The following GBE1 variants were observed in gnomAD, a reference collection of about 807,000 sequenced individuals.
The protein encoded by GBE1 is 1,4-alpha-glucan-branching enzyme.
GBE1 carries 70 observed loss-of-function variants against 88.8 expected under a neutral mutation model. That is an observed-to-expected ratio of 0.79 (90% CI 0.65 to 0.96). The LOEUF is 0.96. Ranked by LOEUF, GBE1 falls within the 40% of genes least tolerant of loss-of-function variation. The pLI is 0.00. For missense variants in GBE1, 872 were observed against 871.0 expected (o/e 1.00, Z -0.01); for synonymous variants, 284 against 300.1 (o/e 0.95, Z 0.56).
Position 81,746,923 on chromosome 3 carries a change from T to C in GBE1, c.143+14452A>G, listed in dbSNP as rs142585018. Among the ~76,000 whole-genome samples, 404 of 152,308 alleles carry C rather than the reference T, an allele frequency of 2.7e-3. 1 individual carries two copies. Among genetic ancestry groups the C allele is most frequent in the African/African-American group, 9.4e-3 (390 of 41,562 alleles). On this transcript the variant is annotated intron_variant, in intron 1 of 15. Coordinates refer to ENST00000429644, the MANE Select transcript of GBE1 (RefSeq NM_000158.4). ...CCTATAATATGTGTAAAAATTTTCA[T>C]TGCTTGTACCTTTCAGTGACACCTG...
At chr3:81,625,094 A>AG (rs1206859059) in intron 7 of GBE1, among the ~76,000 whole-genome samples, 1 of 33,258 alleles carries the variant, frequency 3.0e-5, no homozygotes, top group Non-Finnish European at 9.9e-5. Context: ...GTTATGAGGG[A>AG]GGGGGAGGGG....
chr3:81,585,223 T>G (rs574210923), intron 10 of GBE1, among the ~76,000 whole-genome samples: 77 of 152,208 alleles, frequency 5.1e-4, no homozygotes, highest in African/African-American at 1.7e-3. Context: ...TTGCACAAAT[T>G]GCCCAGGGGG....
At chr3:81,740,333 A>T (rs1452013376) in intron 1 of GBE1, among the ~76,000 whole-genome samples, 1 of 152,036 alleles carries the variant, frequency 6.6e-6, no homozygotes, top group Non-Finnish European at 1.5e-5. Flanking sequence ...ATTTTGTCTT[A>T]GCACCAAGAA....
chr3:81,721,143 TA>T (rs952865838), intron 1 of GBE1, among the ~76,000 whole-genome samples: 3 of 105,342 alleles, frequency 2.8e-5, no homozygotes, highest in Non-Finnish European at 5.5e-5. Flanking sequence ...ATGGCACATG[TA>T]TACATATGTA....
At chr3:81,647,374 G>A (rs529897043) in intron 5 of GBE1, among the ~76,000 whole-genome samples, 7 of 152,092 alleles carry the variant, frequency 4.6e-5, no homozygotes, top group Middle Eastern at 3.4e-3. Context: ...ACAAACACAC[G>A]TCACCTTCCT....
intron 6 of GBE1, among the ~76,000 whole-genome samples, chr3:81,644,922 C>A (rs1020914448): frequency 6.6e-6 from 1 of 150,884 alleles, no homozygotes; most frequent in Non-Finnish European, 1.5e-5. Context: ...AGGGACAAGT[C>A]CAGTATAATG....
chr3:81,720,325 G>A (rs1468720638), intron 1 of GBE1, among the ~76,000 whole-genome samples: 3 of 148,462 alleles, frequency 2.0e-5, no homozygotes, highest in South Asian at 2.1e-4. Context: ...ATACACACAC[G>A]CACACACTGT....
intron 13 of GBE1, among the ~76,000 whole-genome samples, chr3:81,536,231 G>C (rs1703071660): frequency 6.6e-6 from 1 of 151,020 alleles, no homozygotes; most frequent in South Asian, 2.1e-4. Flanking sequence ...AAGAATCATA[G>C]ACACCAAAGT....
chr3:81,635,360 C>T (rs1222527056), intron 7 of GBE1, among the ~76,000 whole-genome samples: 6 of 152,066 alleles, frequency 3.9e-5, no homozygotes, highest in African/African-American at 1.2e-4. Flanking sequence ...TCTGCCTGCT[C>T]ACTAATCTAA....
At chr3:81,582,849 G>T (rs1703752753) in intron 10 of GBE1, among the ~76,000 whole-genome samples, 1 of 151,880 alleles carries the variant, frequency 6.6e-6, no homozygotes, top group African/African-American at 2.4e-5. Flanking sequence ...CCAAAAGAGA[G>T]ACCTATACAA....
At chr3:81,542,305 T>G (rs1703153697) in intron 12 of GBE1, among the ~76,000 whole-genome samples, 2 of 152,152 alleles carry the variant, frequency 1.3e-5, no homozygotes, top group Admixed American at 6.6e-5. Flanking sequence ...CTAATATTTC[T>G]GTGTTATAAA....
At chr3:81,757,442 T>C (rs2107244808) in intron 1 of GBE1, among the ~76,000 whole-genome samples, 1 of 152,284 alleles carries the variant, frequency 6.6e-6, no homozygotes. Flanking sequence ...AGTGGAGAAG[T>C]TAGAATGGAG....
intron 12 of GBE1, among the ~76,000 whole-genome samples, chr3:81,539,221 C>T (rs758895449): frequency 3.9e-5 from 6 of 151,954 alleles, no homozygotes; most frequent in Non-Finnish European, 7.4e-5. Flanking sequence ...GCATGTTGTG[C>T]ACAAGTAAAT....
chr3:81,642,516 AT>A lies in GBE1; in HGVS notation c.992+264del, dbSNP rs1338616585. The stretch of plus-strand genomic sequence containing the variant: ...GTGGCCTTTTAGATATTAAAAAAAA[AT>A]GATTCACAGTAAAATTTTTAAATGA... On this transcript the variant is annotated intron_variant, in intron 7 of 15. Coordinates refer to ENST00000429644, the MANE Select transcript of GBE1 (RefSeq NM_000158.4). The A allele has an allele frequency of 7.0e-5, 20 of 284,906 alleles. 1 individual carries two copies. Among genetic ancestry groups the A allele is most frequent in the African/African-American group, 3.0e-4 (13 of 44,048 alleles). 17.6% of individuals were successfully genotyped at this position (284,906 alleles called of 1,614,324 possible). A position where few individuals can be genotyped will look rare whatever the true frequency, so the allele number is the denominator to read the frequency against.
chr3:81,696,330 C>A (rs934589867), intron 2 of GBE1, among the ~76,000 whole-genome samples: 1 of 152,114 alleles, frequency 6.6e-6, no homozygotes, highest in Non-Finnish European at 1.5e-5. Context: ...CTCCACAATG[C>A]AAAACGATAC....
intron 14 of GBE1, among the ~76,000 whole-genome samples, chr3:81,531,970 C>T (rs113470411): frequency 6.6e-6 from 1 of 151,954 alleles, no homozygotes; most frequent in African/African-American, 2.4e-5. Context: ...TGAATTCTGC[C>T]CATGTTACCT....
chr3:81,739,678 A>C (rs1386021007), intron 1 of GBE1, among the ~76,000 whole-genome samples: 1 of 152,130 alleles, frequency 6.6e-6, no homozygotes, highest in Non-Finnish European at 1.5e-5. Context: ...CGGATTCTCT[A>C]GTTACCTTTT....
intron 1 of GBE1, among the ~76,000 whole-genome samples, chr3:81,711,356 T>A (rs539648183): frequency 5.8e-4 from 88 of 152,226 alleles, no homozygotes; most frequent in African/African-American, 2.1e-3. Context: ...TTTTAATAGC[T>A]CAAAAGGGGG....
At position 81,642,911 on chromosome 3, in the gene GBE1, C is replaced by G; in HGVS notation, c.862G>C (p.Val288Leu). 1 of 1,612,678 alleles carries G rather than the reference C, an allele frequency of 6.2e-7. No homozygotes were observed. Among genetic ancestry groups the G allele is most frequent in the Non-Finnish European group, 8.5e-7 (1 of 1,178,950 alleles). ...SMGIIVLLDV[V>L]HSHASKNSAD... is the part of the protein sequence containing the mutation. ...GAATTTTTTGAAGCATGGCTGTGTA[C>G]CACATCTAAGAGGACTATGATACCC... Residue 288 changes from valine (V) to leucine (L), a missense_variant, in exon 7 of 16, where the codon GTA (valine) becomes CTA (leucine). Physicochemically the swap from Val to Leu is conservative, Grantham distance 32. Coordinates refer to ENST00000429644, the MANE Select transcript of GBE1 (RefSeq NM_000158.4).
Sources: allele counts gnomAD v4.1 joint callset (sites outside exome capture counted in the v4.1 genomes callset), GRCh38; gene constraint gnomAD v4.1.1; transcripts MANE v1.5; gene names NCBI Gene and HGNC (gene_info 2026-07-23, HGNC 2026-07-21).